Variants in UGDH observed in about 807,000 individuals in gnomAD.
UGDH encodes the protein UDP-Glc dehydrogenase.
In UGDH, 38 loss-of-function variants were observed where a neutral mutation model predicts 50.6. The ratio of observed to expected loss-of-function variants is 0.75; its 90% CI spans 0.58 to 0.98. The LOEUF (loss-of-function observed/expected upper bound fraction) is 0.98, where lower values mean the gene tolerates loss of function less well. UGDH is among the 50% of genes least tolerant of loss of function. UGDH has a pLI of 0.00. For missense variants in UGDH, 465 were observed against 606.2 expected (o/e 0.77, Z 2.45); for synonymous variants, 168 against 199.9 (o/e 0.84, Z 1.35).
intron 11 of UGDH, among the ~76,000 whole-genome samples, chr4:39,503,278 G>A (rs188776096): frequency 2.2e-4 from 33 of 152,198 alleles, no homozygotes; most frequent in African/African-American, 7.7e-4. Context: ...TCGAACTCCT[G>A]GCCTTAAGTG....
At chr4:39,519,550 A>T (rs759702147) in intron 2 of UGDH, among the ~76,000 whole-genome samples, 110 of 151,800 alleles carry the variant, frequency 7.2e-4, no homozygotes, top group African/African-American at 1.6e-3. Flanking sequence ...ATATATATAT[A>T]TATTTTGAGA....
At chr4:39,504,280 C>T in intron 10 of UGDH, 137 bp downstream of exon 10, 1 of 757,334 alleles carries the variant, frequency 1.3e-6, no homozygotes, top group Non-Finnish European at 2.1e-6. Context: ...TGCACTCCAG[C>T]CAGGGCGACA....
rs768674438 is a variant in UGDH at position 39,510,723 on chromosome 4, G to A, written c.403C>T (p.Arg135Trp). The change falls in exon 4 of 12, where the codon CGG becomes TGG. Residue 135 changes from arginine (R) to tryptophan (W), a missense_variant. Coordinates refer to ENST00000316423, the MANE Select transcript of UGDH (RefSeq NM_003359.4). ...IVTEKSTVPV[R>W]AAESIRRIFD... Reference sequence around the variant, plus strand: ...ATGCGACGGATACTTTCTGCTGCCCGCACTGGAACTGTGCTTTTCTCAGTC... The same window carrying A: ...ATGCGACGGATACTTTCTGCTGCCCACACTGGAACTGTGCTTTTCTCAGTC... The A allele has an allele frequency of 5.0e-6, 8 of 1,614,014 alleles. No individual in the cohort carries two copies. The highest frequency in any genetic ancestry group is 2.7e-5 in the African/African-American group (2 of 74,892).
chr4:39,508,479 T>C (rs2109925966), intron 7 of UGDH, 87 bp downstream of exon 7: 1 of 1,314,000 alleles, frequency 7.6e-7, no homozygotes, highest in Non-Finnish European at 1.1e-6. Flanking sequence ...AGTGATGCTC[T>C]TGCCTTGGCT....
At chr4:39,512,776 A>G (rs1225900829) in intron 3 of UGDH, among the ~76,000 whole-genome samples, 1 of 151,672 alleles carries the variant, frequency 6.6e-6, no homozygotes, top group Admixed American at 6.6e-5. Context: ...AAGCTGCATC[A>G]ATTTCTCTGA....
At chr4:39,521,069 C>CAAAAA (rs1179305904) in intron 2 of UGDH, among the ~76,000 whole-genome samples, 2 of 80,060 alleles carry the variant, frequency 2.5e-5, no homozygotes, top group African/African-American at 7.9e-5. Flanking sequence ...GACTCCGTCT[C>CAAAAA]AAAAAAAAAA....
At chr4:39,513,863 A>C (rs957562379) in intron 3 of UGDH, among the ~76,000 whole-genome samples, 1 of 152,098 alleles carries the variant, frequency 6.6e-6, no homozygotes, top group African/African-American at 2.4e-5. Context: ...TCAAATTAGA[A>C]CTTTGAGTTT....
At position 39,508,674 on chromosome 4, in the gene UGDH, A is replaced by G; in HGVS notation, c.812-14T>C. The G allele has an allele frequency of 1.9e-6, 3 of 1,582,712 alleles. No individual in the cohort carries two copies. Among genetic ancestry groups the G allele is most frequent in the Non-Finnish European group, 2.6e-6 (3 of 1,171,140 alleles). On this transcript the variant is annotated splice_polypyrimidine_tract_variant and intron_variant, in intron 6 of 11. Transcript: ENST00000316423. ...TCCCACCAAACCCTGCAGAAAGAAA[A>G]AAATGAACAATATTTTCATGTAAGA...
chr4:39,516,484 A>T (rs539341960), intron 2 of UGDH, among the ~76,000 whole-genome samples: 1 of 152,292 alleles, frequency 6.6e-6, no homozygotes, highest in East Asian at 1.9e-4. Flanking sequence ...AAGCAAAAAG[A>T]AAACATACCT....
chr4:39,504,596 T>G, intron 9 of UGDH, 88 bp from the exon 10 acceptor site: 1 of 1,119,474 alleles, frequency 8.9e-7, no homozygotes, highest in South Asian at 1.3e-5. Context: ...CAGGGATACA[T>G]TCCAAGACCC....
chr4:39,506,325 G>A (rs772663400), intron 7 of UGDH, among the ~76,000 whole-genome samples: 18 of 151,594 alleles, frequency 1.2e-4, no homozygotes, highest in Admixed American at 6.6e-4. Flanking sequence ...AAAGTGGAGC[G>A]CACAACCAAG....
rs200551526 is a variant in UGDH at position 39,500,188 on chromosome 4, C to T, written c.1440G>A (p.Pro480=). The T allele has an allele frequency of 6.9e-5, 111 of 1,603,646 alleles. No homozygotes were observed. In the East Asian group the frequency reaches 1.5e-3, roughly 22 times the overall value. The stretch of plus-strand genomic sequence containing the variant: ...TAGGTGGATCTTGAAGACTAAACTT[C>T]GGAATTTCACCAGAAGGAGCATATG... ...RIPYAPSGEI[P]KFSLQDPPNK... is the part of the protein sequence containing the mutation. The change falls in exon 12 of 12, where the codon CCG becomes CCA. Residue 480 remains proline, a synonymous_variant. Transcript: ENST00000316423.
Position 39,500,102 on chromosome 4 carries a change from C to CAAAAA in UGDH, c.*36_*40dup. 9.4e-7 allele frequency: 1 copy of CAAAAA among 1,069,494 alleles called. No homozygotes were observed. The highest frequency in any genetic ancestry group is 1.3e-6 in the Non-Finnish European group (1 of 757,250). 66.3% of individuals were successfully genotyped at this position (1,069,494 alleles called of 1,614,324 possible). A position where few individuals can be genotyped will look rare whatever the true frequency, so the allele number is the denominator to read the frequency against. On this transcript the variant is annotated 3_prime_UTR_variant, in exon 12 of 12. Coordinates refer to ENST00000316423, the MANE Select transcript of UGDH (RefSeq NM_003359.4). Reference sequence around the variant, plus strand: ...ATAGATATTTGCTATCCTGAAGTACCAAAAAAAAAAAAAAAAAATCACAAA... The same window carrying CAAAAA: ...ATAGATATTTGCTATCCTGAAGTACCAAAAAAAAAAAAAAAAAAAAAAATCACAAA...
chr4:39,508,647 G>C lies in UGDH; in HGVS notation c.825C>G (p.Ser275Arg). 6.3e-7 allele frequency: 1 copy of C among 1,599,912 alleles called. No individual in the cohort carries two copies. The highest frequency in any genetic ancestry group is 8.5e-7 in the Non-Finnish European group (1 of 1,176,416). The change falls in exon 7 of 12, where the codon AGC becomes AGG. Residue 275 changes from serine (S) to arginine (R), a missense_variant. Transcript: ENST00000316423. ...AATTCAGAACATCCTTTTGGAAACA[G>C]CTCCCACCAAACCCTGCAGAAAGAA... ...FLKASVGFGG[S>R]CFQKDVLNLV...
rs775848117 is a variant in UGDH at position 39,508,659 on chromosome 4, C to A, written c.813G>T (p.Gly271=). ...IGNKFLKASV[G]FGGSCFQKDV... ...CCTTTTGGAAACAGCTCCCACCAAA[C>A]CCTGCAGAAAGAAAAAAATGAACAA... The change falls in exon 7 of 12, where the codon GGG becomes GGT. Residue 271 remains glycine, a splice_region_variant and synonymous_variant. Coordinates refer to ENST00000316423, the MANE Select transcript of UGDH (RefSeq NM_003359.4). 6.3e-7 allele frequency: 1 copy of A among 1,590,772 alleles called. No homozygotes were observed. The highest frequency in any genetic ancestry group is 1.2e-5 in the South Asian group (1 of 86,742).
chr4:39,510,689 G>C lies in UGDH; in HGVS notation c.437C>G (p.Ala146Gly), dbSNP rs1381741430. Residue 146 changes from alanine to glycine, a missense_variant, in exon 4 of 12, where the codon GCA becomes GGA. Coordinates refer to ENST00000316423, the MANE Select transcript of UGDH (RefSeq NM_003359.4). ...AAESIRRIFD[A>G]NTKPNLNLQV... is the part of the protein sequence containing the mutation. ...TAAATTCAAGTTGGGTTTTGTGTTTGCATCAAATATGCGACGGATACTTTC... is the reference window on the plus strand; with the variant it reads ...TAAATTCAAGTTGGGTTTTGTGTTTCCATCAAATATGCGACGGATACTTTC... 6.2e-7 allele frequency: 1 copy of C among 1,614,208 alleles called. No homozygotes were observed. The highest frequency in any genetic ancestry group is 8.5e-7 in the Non-Finnish European group (1 of 1,180,038).
In UGDH at chr4:39,505,225, T is replaced by C. The variant is rs1385738768; in HGVS notation, c.1171+12A>G. The C allele has an allele frequency of 6.3e-7, 1 of 1,584,958 alleles. No individual in the cohort carries two copies. The highest frequency in any genetic ancestry group is 8.5e-7 in the Non-Finnish European group (1 of 1,171,282). On this transcript the variant is annotated intron_variant, in intron 9 of 11. Transcript: ENST00000316423. Reference sequence around the variant, plus strand: ...CTGGACTCAAAATGATTCATGAGACTCAAAGCCTTACCTTGGTCATCCTCT... The same window carrying C: ...CTGGACTCAAAATGATTCATGAGACCCAAAGCCTTACCTTGGTCATCCTCT...
rs1481372223 is a variant in UGDH at position 39,504,502 on chromosome 4, C to T, written c.1178G>A (p.Arg393Gln). 8 of 1,613,570 alleles carry T rather than the reference C, an allele frequency of 5.0e-6. No individual in the cohort carries two copies. In the East Asian group the frequency reaches 6.7e-5, roughly 13 times the overall value. Residue 393 changes from arginine to glutamine, a missense_variant, in exon 10 of 12, where the codon CGG (arginine) becomes CAG (glutamine). Transcript: ENST00000316423. The part of the protein sequence containing the change: ...PGVSEDDQVS[R>Q]LVTISKDPYE... Reference sequence around the variant, plus strand: ...TGGATCCTTGGAAATGGTCACGAGCCGGGACACTGTAACAATAGCAACAAC... The same window carrying T: ...TGGATCCTTGGAAATGGTCACGAGCTGGGACACTGTAACAATAGCAACAAC...
In UGDH at chr4:39,498,984, T is replaced by C. The variant is rs960453719; in HGVS notation, c.*1159A>G. ...CAAGCAAAAATAACCACTGAAAATA[T>C]AAAACTCAACAAGAGACATAAGAAA... On this transcript the variant is annotated 3_prime_UTR_variant, in exon 12 of 12. Transcript: ENST00000316423. The C allele has an allele frequency of 1.3e-5, 2 of 152,056 alleles. No individual in the cohort carries two copies. Among genetic ancestry groups the C allele is most frequent in the Admixed American group, 6.6e-5 (1 of 15,246 alleles). 9.4% of individuals were successfully genotyped at this position (152,056 alleles called of 1,614,324 possible).
Sources: gnomAD v4.1 joint callset for allele counts (sites outside exome capture counted in the v4.1 genomes callset) on GRCh38, gnomAD v4.1.1 for gene constraint, MANE v1.5 for transcripts, NCBI Gene and HGNC (gene_info 2026-07-23, HGNC 2026-07-21) for gene names.